The following SNX29 variants were observed in gnomAD, a reference collection of about 807,000 sequenced individuals.
SNX29 encodes sorting nexin-29.
A neutral mutation model predicts 102.1 loss-of-function variants in SNX29; 78 were observed. That is an observed-to-expected ratio of 0.76 (90% CI 0.64 to 0.92). The LOEUF (loss-of-function observed/expected upper bound fraction) is 0.92. Among genes scored for constraint, SNX29 ranks in the 40% least tolerant of loss-of-function variants. The pLI is 0.00. For synonymous variants in SNX29, 580 were observed against 414.5 expected (o/e 1.40, Z -4.85); for missense variants, 1,280 against 1,061.7 (o/e 1.21, Z -2.86).
chr16:12,347,650 G>A (rs1281313037), intron 15 of SNX29, among the ~76,000 whole-genome samples: 1 of 152,148 alleles, frequency 6.6e-6, no homozygotes, highest in Non-Finnish European at 1.5e-5. Flanking sequence ...CAGACCCATA[G>A]CAGGTGCTCA....
At chr16:12,127,141 C>A (rs1596988215) in intron 12 of SNX29, among the ~76,000 whole-genome samples, 1 of 151,680 alleles carries the variant, frequency 6.6e-6, no homozygotes, top group South Asian at 2.1e-4. Context: ...TGCCTGTAAT[C>A]CCAGCTACTC....
chr16:12,562,775 C>T (rs375899919), intron 20 of SNX29, among the ~76,000 whole-genome samples: 2 of 152,148 alleles, frequency 1.3e-5, no homozygotes, highest in African/African-American at 2.4e-5. Flanking sequence ...GCTTGGAGTC[C>T]TTTAGCCATC....
intron 15 of SNX29, among the ~76,000 whole-genome samples, chr16:12,290,799 G>C (rs750842903): frequency 1.3e-5 from 2 of 152,154 alleles, no homozygotes; most frequent in African/African-American, 2.4e-5. Context: ...AGGCATAGGA[G>C]AGTGGGGATG....
intron 18 of SNX29, among the ~76,000 whole-genome samples, chr16:12,436,113 A>T (rs1035757244): frequency 4.6e-5 from 7 of 152,138 alleles, no homozygotes; most frequent in Admixed American, 4.6e-4. Flanking sequence ...GGTGATGCAG[A>T]CGTAGCTGAA....
chr16:12,416,763 T>A (rs368177904), intron 18 of SNX29, among the ~76,000 whole-genome samples: 1 of 152,026 alleles, frequency 6.6e-6, no homozygotes, highest in Non-Finnish European at 1.5e-5. Context: ...TGTTACTCTA[T>A]CCCAACCACC....
rs193158718 is a variant in SNX29 at position 12,533,240 on chromosome 16, C to A, written c.2318+8399C>A. Among the ~76,000 whole-genome samples the A allele has an allele frequency of 3.5e-4, 54 of 152,370 alleles. 1 individual carries two copies. The highest frequency in any genetic ancestry group is 7.8e-4 in the Admixed American group (12 of 15,308). On this transcript the variant is annotated intron_variant, in intron 20 of 20. Transcript: ENST00000566228. ...CTTTGCTGCTGTTTTGCCCAAAGGG[C>A]AGCTGATTCTCCTGTGGAGTGCTTT...
intron 20 of SNX29, among the ~76,000 whole-genome samples, chr16:12,536,527 CT>C (rs2141209651): frequency 6.6e-6 from 1 of 152,274 alleles, no homozygotes; most frequent in African/African-American, 2.4e-5. Flanking sequence ...CTATTTTCCC[CT>C]CTGTAAAATG....
intron 11 of SNX29, among the ~76,000 whole-genome samples, chr16:12,108,956 C>T (rs1242733293): frequency 2.0e-5 from 3 of 151,622 alleles, no homozygotes; most frequent in East Asian, 1.9e-4. Flanking sequence ...GGTAAAATCC[C>T]GTCTCTACTA....
chr16:12,489,882 C>T (rs977023620), intron 19 of SNX29, among the ~76,000 whole-genome samples: 3 of 152,054 alleles, frequency 2.0e-5, no homozygotes, highest in Non-Finnish European at 4.4e-5. Flanking sequence ...CTTGGCTCAC[C>T]GCAACCTCTA....
At chr16:12,559,166 A>C (rs768541501) in intron 20 of SNX29, among the ~76,000 whole-genome samples, 1 of 152,096 alleles carries the variant, frequency 6.6e-6, no homozygotes, top group Admixed American at 6.6e-5. Context: ...GTACCAGTCC[A>C]TAGCCTGTTA....
chr16:11,978,044 T>A lies in SNX29; in HGVS notation c.7+1231T>A, dbSNP rs559989351. Reference sequence around the variant, plus strand: ...GATACTGCTGTCTTCAATTTTAACTTTTAAAGTTATCTCTGTGGACCTTTT... The same window carrying A: ...GATACTGCTGTCTTCAATTTTAACTATTAAAGTTATCTCTGTGGACCTTTT... On this transcript the variant is annotated intron_variant, in intron 1 of 20. Transcript: ENST00000566228. Among the ~76,000 whole-genome samples, 4 of 152,290 alleles carry A rather than the reference T, an allele frequency of 2.6e-5. No individual in the cohort carries two copies. The South Asian group carries it at 8.3e-4, about 32-fold the overall frequency.
intron 19 of SNX29, among the ~76,000 whole-genome samples, chr16:12,487,828 T>G (rs906911052): frequency 6.6e-6 from 1 of 152,232 alleles, no homozygotes; most frequent in Non-Finnish European, 1.5e-5. Flanking sequence ...GTGTCTCATT[T>G]GACACTCTGC....
intron 15 of SNX29, among the ~76,000 whole-genome samples, chr16:12,290,391 A>G (rs924902695): frequency 1.3e-5 from 2 of 151,970 alleles, no homozygotes; most frequent in South Asian, 2.1e-4. Flanking sequence ...GATCTTTCAG[A>G]TCTCATCCTG....
intron 19 of SNX29, among the ~76,000 whole-genome samples, chr16:12,507,009 T>C (rs2089409270): frequency 6.6e-6 from 1 of 152,232 alleles, no homozygotes; most frequent in African/African-American, 2.4e-5. Context: ...GGGAAAATTA[T>C]TGTACTGAAC....
chr16:12,515,131 G>A (rs1389157830), intron 19 of SNX29, among the ~76,000 whole-genome samples: 2 of 152,078 alleles, frequency 1.3e-5, no homozygotes, highest in East Asian at 3.9e-4. Flanking sequence ...TCCTGTGGGA[G>A]GGCTCCCTAA....
chr16:12,291,830 A>G (rs528262823), intron 15 of SNX29, among the ~76,000 whole-genome samples: 3 of 152,336 alleles, frequency 2.0e-5, no homozygotes, highest in African/African-American at 4.8e-5. Flanking sequence ...CCATGGTGGC[A>G]GAAAACCAAG....
At chr16:12,308,741 G>A (rs929261955) in intron 15 of SNX29, among the ~76,000 whole-genome samples, 4 of 152,058 alleles carry the variant, frequency 2.6e-5, no homozygotes, top group African/African-American at 4.8e-5. Context: ...AATTAAACAC[G>A]AGTCCATCAG....
intron 20 of SNX29, 99 bp downstream of exon 20, chr16:12,524,940 C>A (rs1038690414): frequency 8.6e-6 from 13 of 1,508,526 alleles, no homozygotes; most frequent in Non-Finnish European, 1.2e-5. Context: ...TCCGTGATGC[C>A]CTGATCGCCA....
intron 19 of SNX29, 36 bp from the exon 20 acceptor site, chr16:12,524,666 G>T (rs1403379374): frequency 6.2e-7 from 1 of 1,606,462 alleles, no homozygotes; most frequent in African/African-American, 1.3e-5. Flanking sequence ...AGGTGAGGAA[G>T]ACGTACCAAA....
Sources: gnomAD v4.1 joint callset for allele counts (sites outside exome capture counted in the v4.1 genomes callset) on GRCh38, gnomAD v4.1.1 for gene constraint, MANE v1.5 for transcripts, NCBI Gene and HGNC (gene_info 2026-07-23, HGNC 2026-07-21) for gene names.